CCDC141: variants seen among roughly 807,000 people sequenced by gnomAD.
CCDC141 encodes coiled-coil domain-containing protein 141.
CCDC141 carries 168 observed loss-of-function variants against 181.0 expected under a neutral mutation model. That is an observed-to-expected ratio of 0.93 (90% CI 0.82 to 1.05). The LOEUF (loss-of-function observed/expected upper bound fraction) is 1.05, where lower values mean the gene tolerates loss of function less well. CCDC141 is among the 50% of genes least tolerant of loss of function. CCDC141 has a pLI of 0.00. For missense variants in CCDC141, 1,902 were observed against 1,788.5 expected (o/e 1.06, Z -1.14); for synonymous variants, 666 against 642.3 (o/e 1.04, Z -0.56).
At chr2:179,021,107 A>G (rs757184042) in intron 2 of CCDC141, among the ~76,000 whole-genome samples, 3 of 152,230 alleles carry the variant, frequency 2.0e-5, no homozygotes, top group Non-Finnish European at 4.4e-5. Context: ...ATAAGATAAT[A>G]AATACTTTGG....
chr2:178,853,384 G>A (rs753348194), intron 20 of CCDC141, 57 bp downstream of exon 20: 1 of 1,487,480 alleles, frequency 6.7e-7, no homozygotes, highest in East Asian at 2.3e-5. Context: ...TACTGGATTA[G>A]GCTCAGTATA....
In CCDC141 at chr2:178,868,131, C is replaced by A. The variant is rs1199363562; in HGVS notation, c.2469G>T (p.Val823=). ...CCTGAGAGCACCGGAGGTGAATCTG[C>A]ACATCATGGGCATCACCCAGTTCCT... is the stretch of plus-strand genomic sequence containing the variant. ...QPKELGDAHD[V]QIHLRCSQEK... The change falls in exon 16 of 24, where the codon GTG becomes GTT. Residue 823 remains valine, a synonymous_variant. Coordinates refer to ENST00000443758, the MANE Select transcript of CCDC141 (RefSeq NM_173648.4). The A allele has an allele frequency of 6.2e-7, 1 of 1,614,048 alleles. No homozygotes were observed. Among genetic ancestry groups the A allele is most frequent in the Admixed American group, 1.7e-5 (1 of 60,018 alleles).
At chr2:178,995,866 A>T (rs1023267695) in intron 2 of CCDC141, among the ~76,000 whole-genome samples, 1 of 152,188 alleles carries the variant, frequency 6.6e-6, no homozygotes, top group Non-Finnish European at 1.5e-5. Flanking sequence ...GTTTTAGACC[A>T]TAGTAAGGGC....
At chr2:178,835,605 CA>C (rs1399092471) in intron 23 of CCDC141, among the ~76,000 whole-genome samples, 1 of 152,170 alleles carries the variant, frequency 6.6e-6, no homozygotes, top group African/African-American at 2.4e-5. Flanking sequence ...TAATTGAGCA[CA>C]GTTGTAAATC....
intron 2 of CCDC141, among the ~76,000 whole-genome samples, chr2:179,022,476 C>G (rs1159762551): frequency 6.6e-6 from 1 of 152,060 alleles, no homozygotes; most frequent in Non-Finnish European, 1.5e-5. Flanking sequence ...CCTTGAAGAC[C>G]TAGCTCTCTT....
rs758528530 is a variant in CCDC141, at chr2:178,834,429, C to A, written c.4337G>T (p.Gly1446Val). 8.5e-6 allele frequency: 13 copies of A among 1,536,072 alleles called. No homozygotes were observed. In the South Asian group the frequency reaches 1.3e-4, roughly 15 times the overall value. ...GTGCCCATCTGCAGACAATTTCTGG[C>A]CCTTCTTGTACCTGAAGCAGAGAGG... Reference protein sequence around the residue: ...PEPTLTWYKKGQKLSADGHLQ... With the variant: ...PEPTLTWYKKVQKLSADGHLQ... Residue 1446 changes from glycine (G) to valine (V), a missense_variant, in exon 24 of 24, where the codon GGC becomes GTC. Coordinates refer to ENST00000443758, the MANE Select transcript of CCDC141 (RefSeq NM_173648.4).
chr2:178,979,507 A>G (rs893956304), intron 2 of CCDC141, among the ~76,000 whole-genome samples: 1 of 152,222 alleles, frequency 6.6e-6, no homozygotes, highest in Admixed American at 6.5e-5. Context: ...AAAAATGTGG[A>G]TGAGTTAACT....
chr2:178,964,474 A>T (rs1044128463), intron 4 of CCDC141, among the ~76,000 whole-genome samples: 6 of 151,980 alleles, frequency 3.9e-5, no homozygotes, highest in Non-Finnish European at 8.8e-5. Context: ...TAAAATTCAA[A>T]TTTTTTTTCT....
chr2:178,908,830 G>C (rs1393207485), intron 7 of CCDC141, among the ~76,000 whole-genome samples: 1 of 152,120 alleles, frequency 6.6e-6, no homozygotes, highest in Non-Finnish European at 1.5e-5. Context: ...CTTAATACAT[G>C]TCATGTTTGT....
intron 2 of CCDC141, among the ~76,000 whole-genome samples, chr2:178,979,085 G>C (rs1443800317): frequency 6.6e-6 from 1 of 152,182 alleles, no homozygotes; most frequent in East Asian, 1.9e-4. Context: ...GCAAATAATT[G>C]TCATTAGTTG....
chr2:178,992,379 G>GAA (rs140776901), intron 2 of CCDC141, among the ~76,000 whole-genome samples: 6 of 125,188 alleles, frequency 4.8e-5, no homozygotes, highest in Non-Finnish European at 9.8e-5. Context: ...ATTCTTAAAG[G>GAA]AAAAAAAAAA....
intron 8 of CCDC141, among the ~76,000 whole-genome samples, chr2:178,895,030 C>G (rs541317626): frequency 6.8e-4 from 104 of 152,274 alleles, no homozygotes; most frequent in African/African-American, 2.5e-3. Context: ...CTCACCTACT[C>G]TACCCCACAT....
At chr2:178,953,428 C>T (rs1286959048) in intron 5 of CCDC141, among the ~76,000 whole-genome samples, 1 of 144,724 alleles carries the variant, frequency 6.9e-6, no homozygotes, top group Non-Finnish European at 1.5e-5. Flanking sequence ...CAGAGCGAGA[C>T]TCCCTCTCAA....
intron 11 of CCDC141, among the ~76,000 whole-genome samples, chr2:178,882,695 G>A (rs910973006): frequency 6.6e-6 from 1 of 152,104 alleles, no homozygotes; most frequent in Non-Finnish European, 1.5e-5. Context: ...GGGAGCATAT[G>A]GGAGACCTAG....
rs1183361467 is a variant in CCDC141, at chr2:179,015,208, T to TCTC, written c.225+32075_225+32076insGAG. Among the ~76,000 whole-genome samples, 180 of 73,834 alleles carry TCTC rather than the reference T, an allele frequency of 2.4e-3. 3 individuals are homozygous for TCTC. The highest frequency in any genetic ancestry group is 4.2e-3 in the Non-Finnish European group (148 of 35,472). 48.4% of individuals were successfully genotyped at this position (73,834 alleles called of 152,430 possible). A position where few individuals can be genotyped will look rare whatever the true frequency, so the allele number is the denominator to read the frequency against. On this transcript the variant is annotated intron_variant, in intron 2 of 23. Coordinates refer to ENST00000443758, the MANE Select transcript of CCDC141 (RefSeq NM_173648.4). Reference sequence around the variant, plus strand: ...CATCTCATCTCATAAATATCATATATATCATATATCTCATATATACCTCAT... The same window carrying TCTC: ...CATCTCATCTCATAAATATCATATATCTCATCATATATCTCATATATACCTCAT...
chr2:179,021,638 A>G (rs549231529), intron 2 of CCDC141, among the ~76,000 whole-genome samples: 7 of 152,358 alleles, frequency 4.6e-5, no homozygotes, highest in Non-Finnish European at 8.8e-5. Flanking sequence ...TGTCAGTGAC[A>G]TACACAGTAA....
chr2:178,847,505 T>C (rs1039311399), intron 21 of CCDC141, among the ~76,000 whole-genome samples: 10 of 152,140 alleles, frequency 6.6e-5, no homozygotes, highest in African/African-American at 2.2e-4. Flanking sequence ...CACTCCAGCC[T>C]GGGCAACAGA....
At chr2:178,851,511 C>A (rs1008064802) in intron 20 of CCDC141, among the ~76,000 whole-genome samples, 1 of 152,142 alleles carries the variant, frequency 6.6e-6, no homozygotes. Flanking sequence ...GGAGAGACAC[C>A]AGGGGCATGT....
At chr2:178,962,198 C>T (rs1382910568) in intron 4 of CCDC141, among the ~76,000 whole-genome samples, 1 of 152,084 alleles carries the variant, frequency 6.6e-6, no homozygotes, top group Non-Finnish European at 1.5e-5. Context: ...TAGGTAACAT[C>T]TTGTAGAATT....
Sources: gnomAD v4.1 joint callset for allele counts (sites outside exome capture counted in the v4.1 genomes callset) on GRCh38, gnomAD v4.1.1 for gene constraint, MANE v1.5 for transcripts, NCBI Gene and HGNC (gene_info 2026-07-23, HGNC 2026-07-21) for gene names.